Variants in ADSS1 observed in about 807,000 individuals in gnomAD.
ADSS1 encodes the protein adenylosuccinate synthetase isozyme 1.
A neutral mutation model predicts 59.1 loss-of-function variants in ADSS1; 57 were observed. That is an observed-to-expected ratio of 0.97 (90% CI 0.78 to 1.20). ADSS1 has a LOEUF of 1.20. Among genes scored for constraint, ADSS1 ranks in the 50% most tolerant of loss-of-function variants. The pLI is 0.00. For synonymous variants in ADSS1, 247 were observed against 249.4 expected, an observed-to-expected ratio of 0.99 and a Z score of 0.09; for missense variants, 603 against 610.3, an observed-to-expected ratio of 0.99 and a Z score of 0.13.
intron 1 of ADSS1, among the ~76,000 whole-genome samples, chr14:104,725,779 G>A (rs150190590): frequency 3.9e-5 from 6 of 152,284 alleles, no homozygotes; most frequent in Non-Finnish European, 7.4e-5. Flanking sequence ...CTCAGCGTGG[G>A]GCAGCCCCGG....
intron 1 of ADSS1, among the ~76,000 whole-genome samples, chr14:104,727,634 T>G (rs1465830274): frequency 1.3e-5 from 2 of 152,176 alleles, no homozygotes; most frequent in African/African-American, 4.8e-5. Context: ...CTTCCTCCCT[T>G]GCGTCCATGG....
chr14:104,735,840 G>A (rs925374680), intron 2 of ADSS1, among the ~76,000 whole-genome samples: 6 of 152,164 alleles, frequency 3.9e-5, no homozygotes, highest in African/African-American at 1.4e-4. Context: ...TCAGCTCTTA[G>A]CCCAAAACCC....
At position 104,739,736 on chromosome 14, in the gene ADSS1, G is replaced by A. The variant is rs751013239; in HGVS notation, c.410-14G>A. Reference sequence around the variant, plus strand: ...CTCCTGTCTCCTGCTGCCCTCACCTGGCCCGCCCGACAGTGTTTGATTTTC... The same window carrying A: ...CTCCTGTCTCCTGCTGCCCTCACCTAGCCCGCCCGACAGTGTTTGATTTTC... On this transcript the variant is annotated splice_polypyrimidine_tract_variant and intron_variant, in intron 4 of 12. Coordinates refer to ENST00000330877, the MANE Select transcript of ADSS1 (RefSeq NM_152328.5). 2.9e-5 allele frequency: 46 copies of A among 1,613,650 alleles called. No homozygotes were observed. The highest frequency in any genetic ancestry group is 3.4e-5 in the Non-Finnish European group (40 of 1,179,946).
chr14:104,738,748 T>C (rs1480905386), intron 3 of ADSS1, among the ~76,000 whole-genome samples: 1 of 152,164 alleles, frequency 6.6e-6, no homozygotes. Context: ...TAACTATGCC[T>C]GCAGGGAAGG....
chr14:104,739,642 AC>A (rs1423036831), intron 4 of ADSS1, 107 bp from the exon 5 acceptor site: 3 of 1,272,572 alleles, frequency 2.4e-6, no homozygotes, highest in African/African-American at 1.5e-5. Flanking sequence ...AATCTCAACC[AC>A]CCCCTTCCCA....
rs980704751 is a variant in ADSS1 at position 104,747,257 on chromosome 14, A to G, written c.*254A>G. On this transcript the variant is annotated 3_prime_UTR_variant, in exon 13 of 13. Transcript: ENST00000330877. ...ACCTTCTATGACACATTAGTGTCAC[A>G]TGGTTGCGTGTCCAGCCGAAGCAGT... The G allele has an allele frequency of 2.0e-5, 7 of 358,550 alleles. No homozygotes were observed. The highest frequency in any genetic ancestry group is 1.8e-4 in the East Asian group (4 of 22,590). The allele number at this position is 358,550 out of a possible 1,614,324, so 22.2% of individuals were successfully genotyped here.
chr14:104,738,519 T>A, intron 3 of ADSS1, 81 bp downstream of exon 3: 1 of 1,511,856 alleles, frequency 6.6e-7, no homozygotes, highest in Non-Finnish European at 9.1e-7. Flanking sequence ...TCCTGAGGGT[T>A]TCTCCCACGG....
rs767003671 is a variant in ADSS1, at chr14:104,742,001, ACGTGAG to A, written c.948_948+5del. 17 of 1,612,590 alleles carry A rather than the reference ACGTGAG, an allele frequency of 1.1e-5. No individual in the cohort carries two copies. The African/African-American group carries it at 2.1e-4, about 20-fold the overall frequency. On this transcript the variant is annotated splice_donor_variant and splice_donor_5th_base_variant and coding_sequence_variant and intron_variant, in exon 9 of 13. Coordinates refer to ENST00000330877, the MANE Select transcript of ADSS1 (RefSeq NM_152328.5). LOFTEE classifies it high-confidence loss of function. ...GGGGCCTTCCCCACCGAGCAGATCA[ACGTGAG>A]TCCCCAGCCCCTCGGGACCCCGTGG...
At position 104,724,454 on chromosome 14, in the gene ADSS1, C is replaced by G. The variant is rs1890661279; in HGVS notation, c.184C>G (p.Arg62Gly). ...LLATDADIIS[R>G]CQGGNNAGHT... ...GGCCACGGACGCCGACATCATCAGC[C>G]GCTGCCAGGTGCGGGCTGGGGCGCC... Residue 62 changes from arginine to glycine, a missense_variant, in exon 1 of 13, where the codon CGC becomes GGC. By Grantham distance (125) the Arg-to-Gly change is moderately radical. Coordinates refer to ENST00000330877, the MANE Select transcript of ADSS1 (RefSeq NM_152328.5). 8.0e-7 allele frequency: 1 copy of G among 1,251,558 alleles called. No individual in the cohort carries two copies. The highest frequency in any genetic ancestry group is 4.0e-5 in the South Asian group (1 of 25,056). The allele number at this position is 1,251,558 out of a possible 1,614,324, so 77.5% of individuals were successfully genotyped here.
intron 8 of ADSS1, 69 bp downstream of exon 8, chr14:104,741,312 C>G: frequency 1.3e-6 from 2 of 1,499,186 alleles, no homozygotes. Context: ...CTGCGGAGAG[C>G]CGTGGGAACC....
chr14:104,725,933 G>T (rs1041199241), intron 1 of ADSS1, among the ~76,000 whole-genome samples: 1 of 152,222 alleles, frequency 6.6e-6, no homozygotes, highest in Non-Finnish European at 1.5e-5. Context: ...CTGGCTCCGC[G>T]CTCCCAGCTG....
chr14:104,746,056 C>T, intron 11 of ADSS1, 180 bp from the exon 12 acceptor site: 5 of 703,134 alleles, frequency 7.1e-6, no homozygotes, highest in South Asian at 5.9e-5. Context: ...ACTGCTGTCC[C>T]CTGCTTACCA....
intron 2 of ADSS1, chr14:104,737,393 ATGT>A (rs1891174160): frequency 6.6e-6 from 1 of 151,972 alleles, no homozygotes; most frequent in Non-Finnish European, 1.5e-5. Context: ...ACTTTCCTCT[ATGT>A]CTTTTCATGG....
intron 1 of ADSS1, among the ~76,000 whole-genome samples, chr14:104,728,788 G>A (rs1002796580): frequency 3.9e-5 from 6 of 152,200 alleles, no homozygotes; most frequent in African/African-American, 1.2e-4. Flanking sequence ...CAGGCCCTGG[G>A]CCAGGGCTGG....
At position 104,743,142 on chromosome 14, in the gene ADSS1, C is replaced by T. The variant is rs745374779; in HGVS notation, c.1024C>T (p.Leu342Phe). ...TTGRKRRCGWLDLMILRYAHM... is the reference protein window; with the variant it reads ...TTGRKRRCGWFDLMILRYAHM... ...AGGCAGGAAGAGGCGCTGCGGCTGG[C>T]TCGACCTGATGATTCTAAGATATGC... The change falls in exon 10 of 13, where the codon CTC becomes TTC. Residue 342 changes from leucine (L) to phenylalanine (F), a missense_variant. Transcript: ENST00000330877. The T allele has an allele frequency of 3.9e-5, 63 of 1,612,538 alleles. No homozygotes were observed. The highest frequency in any genetic ancestry group is 1.6e-4 in the Middle Eastern group (1 of 6,082).
chr14:104,747,171 G>C lies in ADSS1; in HGVS notation c.*168G>C. The C allele has an allele frequency of 5.2e-6, 3 of 576,716 alleles. No homozygotes were observed. Among genetic ancestry groups the C allele is most frequent in the South Asian group, 3.4e-5 (1 of 29,772 alleles). The allele number at this position is 576,716 out of a possible 1,614,324, so 35.7% of individuals were successfully genotyped here. On this transcript the variant is annotated 3_prime_UTR_variant, in exon 13 of 13. Coordinates refer to ENST00000330877, the MANE Select transcript of ADSS1 (RefSeq NM_152328.5). ...GTTTCTACAATGATTTTAAACATTGGAAAGCCAGCCTTGTGTATATTTTTA... is the reference window on the plus strand; with the variant it reads ...GTTTCTACAATGATTTTAAACATTGCAAAGCCAGCCTTGTGTATATTTTTA...
chr14:104,724,713 G>A (rs1890670583), intron 1 of ADSS1, among the ~76,000 whole-genome samples: 1 of 152,064 alleles, frequency 6.6e-6, no homozygotes, highest in African/African-American at 2.4e-5. Context: ...CCAGGGCACA[G>A]CTATAAATAC....
intron 2 of ADSS1, chr14:104,737,666 T>C (rs1891182378): frequency 6.6e-6 from 1 of 152,438 alleles, no homozygotes; most frequent in South Asian, 2.1e-4. Flanking sequence ...AATGCTGAAA[T>C]ATCAAATAAC....
intron 1 of ADSS1, among the ~76,000 whole-genome samples, chr14:104,734,016 T>C (rs1229611377): frequency 6.6e-6 from 1 of 152,224 alleles, no homozygotes; most frequent in Non-Finnish European, 1.5e-5. Context: ...TCTCTTATGG[T>C]GGCATAAAGA....
Sources: gnomAD v4.1 joint callset for allele counts (sites outside exome capture counted in the v4.1 genomes callset) on GRCh38, gnomAD v4.1.1 for gene constraint, MANE v1.5 for transcripts, NCBI Gene and HGNC (gene_info 2026-07-23, HGNC 2026-07-21) for gene names.